Variants in DLG2 observed in about 807,000 individuals in gnomAD.
DLG2 encodes the protein disks large homolog 2.
A neutral mutation model predicts 132.5 loss-of-function variants in DLG2; 45 were observed. That is an observed-to-expected ratio of 0.34 (90% confidence interval 0.27 to 0.44). DLG2 has a LOEUF of 0.44. Ranked by LOEUF, DLG2 falls within the 20% of genes least tolerant of loss-of-function variation. The pLI, the probability that DLG2 is intolerant of heterozygous loss-of-function variation, is 1.00. For missense variants in DLG2, 1,045 were observed against 1,196.9 expected, an observed-to-expected ratio of 0.87 and a Z score of 1.87; for synonymous variants, 424 against 419.6, an observed-to-expected ratio of 1.01 and a Z score of -0.13.
intron 6 of DLG2, among the ~76,000 whole-genome samples, chr11:85,001,999 T>C (rs2154131013): frequency 6.6e-6 from 1 of 152,328 alleles, no homozygotes. Context: ...TGATATCCTT[T>C]GCCCCACCTG....
intron 3 of DLG2, among the ~76,000 whole-genome samples, chr11:85,340,682 T>G (rs1407563709): frequency 6.6e-6 from 1 of 152,208 alleles, no homozygotes; most frequent in Non-Finnish European, 1.5e-5. Flanking sequence ...TATTAGCCCT[T>G]TGCCTGTGGT....
intron 3 of DLG2, among the ~76,000 whole-genome samples, chr11:85,540,697 G>A (rs2075906518): frequency 6.6e-6 from 1 of 152,212 alleles, no homozygotes; most frequent in East Asian, 1.9e-4. Context: ...CAGCAAAACA[G>A]CAAAGCTAAA....
chr11:84,727,945 T>A (rs960672878), intron 6 of DLG2, among the ~76,000 whole-genome samples: 3 of 152,214 alleles, frequency 2.0e-5, no homozygotes, highest in Non-Finnish European at 4.4e-5. Flanking sequence ...ATTGATTTTG[T>A]ATCCTGAGAC....
Position 83,684,783 on chromosome 11 carries a change from G to A in DLG2, c.1826-51458C>T, listed in dbSNP as rs575827311. Among the ~76,000 whole-genome samples the A allele has an allele frequency of 3.3e-5, 5 of 152,078 alleles. No homozygotes were observed. In the East Asian group the frequency reaches 9.7e-4, roughly 29 times the overall value. ...TCCCCTCAGGAGCCATTTCTTCCCTGTCCATTTTCCCCTGCTACCTGGCTA... is the reference window on the plus strand; with the variant it reads ...TCCCCTCAGGAGCCATTTCTTCCCTATCCATTTTCCCCTGCTACCTGGCTA... On this transcript the variant is annotated intron_variant, in intron 18 of 27. Coordinates refer to ENST00000376104, the MANE Select transcript of DLG2 (RefSeq NM_001142699.3).
chr11:83,778,246 T>G (rs1227406532), intron 18 of DLG2, among the ~76,000 whole-genome samples: 4 of 152,176 alleles, frequency 2.6e-5, no homozygotes, highest in Non-Finnish European at 5.9e-5. Context: ...TGAAGATCTG[T>G]GTTCATTTTG....
At chr11:84,626,987 CCA>C in intron 6 of DLG2, among the ~76,000 whole-genome samples, 1 of 151,976 alleles carries the variant, frequency 6.6e-6, no homozygotes, top group Middle Eastern at 3.4e-3. Context: ...TTCTCCTGCC[CCA>C]GTCTCCCTAG....
chr11:83,691,166 GA>G (rs1482466633), intron 18 of DLG2, among the ~76,000 whole-genome samples: 1 of 152,158 alleles, frequency 6.6e-6, no homozygotes, highest in Non-Finnish European at 1.5e-5. Flanking sequence ...ATGCACTTAG[GA>G]AATGGCAGAA....
chr11:83,820,591 T>C (rs990921530), intron 17 of DLG2, among the ~76,000 whole-genome samples: 2 of 152,298 alleles, frequency 1.3e-5, no homozygotes, highest in East Asian at 3.9e-4. Flanking sequence ...TTTTATGGCT[T>C]TCAGGGCAAG....
chr11:84,714,626 T>C (rs1286543873), intron 6 of DLG2, among the ~76,000 whole-genome samples: 3 of 104,194 alleles, frequency 2.9e-5, no homozygotes, highest in Non-Finnish European at 5.9e-5. Flanking sequence ...TTTCTCTTTC[T>C]CTCTCTCTCT....
At chr11:85,405,917 G>C (rs1441895804) in intron 3 of DLG2, among the ~76,000 whole-genome samples, 1 of 151,938 alleles carries the variant, frequency 6.6e-6, no homozygotes, top group Non-Finnish European at 1.5e-5. Flanking sequence ...TTTAAAGTTA[G>C]ATTATCAAGA....
intron 19 of DLG2, among the ~76,000 whole-genome samples, chr11:83,627,147 CTATTT>C (rs1372335548): frequency 6.6e-5 from 10 of 151,802 alleles, no homozygotes; most frequent in African/African-American, 1.4e-4. Flanking sequence ...TCTAAATTCA[CTATTT>C]TATTTAATTC....
chr11:84,156,471 C>T (rs1243677051), intron 9 of DLG2, among the ~76,000 whole-genome samples: 2 of 152,122 alleles, frequency 1.3e-5, no homozygotes, highest in African/African-American at 4.8e-5. Context: ...CTATCAGCTA[C>T]CTTATTTGAC....
chr11:84,365,607 G>T (rs1327546504), intron 7 of DLG2, among the ~76,000 whole-genome samples: 32 of 151,838 alleles, frequency 2.1e-4, no homozygotes, highest in African/African-American at 7.3e-4. Flanking sequence ...TGATGTTAGG[G>T]TGTCAATTTT....
intron 3 of DLG2, among the ~76,000 whole-genome samples, chr11:85,396,653 C>A (rs1479233828): frequency 6.6e-6 from 1 of 151,996 alleles, no homozygotes; most frequent in Non-Finnish European, 1.5e-5. Flanking sequence ...ACAGCCAATT[C>A]AATCAAGTGG....
chr11:83,788,277 T>C (rs1020118009), intron 17 of DLG2, among the ~76,000 whole-genome samples: 1 of 152,198 alleles, frequency 6.6e-6, no homozygotes, highest in Admixed American at 6.5e-5. Flanking sequence ...TCATAATAAC[T>C]TCGTTAACAT....
In DLG2 at chr11:85,443,841, C is replaced by T. The variant is rs143999718; in HGVS notation, c.40+154816G>A. Among the ~76,000 whole-genome samples, 583 of 152,218 alleles carry T rather than the reference C, an allele frequency of 3.8e-3. 7 individuals are homozygous for T. The highest frequency in any genetic ancestry group is 0.012 in the African/African-American group (504 of 41,538). On this transcript the variant is annotated intron_variant, in intron 3 of 27. Coordinates refer to ENST00000376104, the MANE Select transcript of DLG2 (RefSeq NM_001142699.3). ...GATTTCTCTTTGTTTTGTCTTTTATCAAGCTGTTCTTTGGTGTGTGTGAAT... is the reference window on the plus strand; with the variant it reads ...GATTTCTCTTTGTTTTGTCTTTTATTAAGCTGTTCTTTGGTGTGTGTGAAT...
chr11:85,321,832 C>T (rs1321039429), intron 3 of DLG2, among the ~76,000 whole-genome samples: 1 of 151,780 alleles, frequency 6.6e-6, no homozygotes, highest in African/African-American at 2.4e-5. Flanking sequence ...ACGTGGTCAG[C>T]AAGAAGAGTA....
chr11:85,252,589 A>G (rs1378481690), intron 4 of DLG2, among the ~76,000 whole-genome samples: 1 of 152,208 alleles, frequency 6.6e-6, no homozygotes, highest in Non-Finnish European at 1.5e-5. Flanking sequence ...CTGTCTCAAA[A>G]AAATAAAAAA....
chr11:85,487,420 T>TAA (rs796957220), intron 3 of DLG2, among the ~76,000 whole-genome samples: 4 of 108,122 alleles, frequency 3.7e-5, no homozygotes, highest in East Asian at 2.8e-4. Context: ...ACCAAAAAAT[T>TAA]AAAAAAAAAA....
Sources: gnomAD v4.1 joint callset for allele counts (sites outside exome capture counted in the v4.1 genomes callset) on GRCh38, gnomAD v4.1.1 for gene constraint, MANE v1.5 for transcripts, NCBI Gene and HGNC (gene_info 2026-07-23, HGNC 2026-07-21) for gene names.